Variants in GPHN observed in about 807,000 individuals in gnomAD.
GPHN encodes gephyrin.
Under a neutral mutation model 95.5 loss-of-function variants are expected in GPHN, and 17 were observed. That is an observed-to-expected ratio of 0.18 (90% CI 0.12 to 0.27). The LOEUF (loss-of-function observed/expected upper bound fraction) is 0.27, where lower values mean the gene tolerates loss of function less well. GPHN is among the 10% of genes least tolerant of loss of function. The pLI is 1.00. For synonymous variants in GPHN, 320 were observed against 322.5 expected, an observed-to-expected ratio of 0.99 and a Z score of 0.08; for missense variants, 660 against 978.1, an observed-to-expected ratio of 0.67 and a Z score of 4.34.
chr14:66,990,663 C>T (rs2071349964), intron 9 of GPHN, among the ~76,000 whole-genome samples: 1 of 151,914 alleles, frequency 6.6e-6, no homozygotes, highest in Non-Finnish European at 1.5e-5. Flanking sequence ...TGTACATAAC[C>T]TACAGTTACT....
intron 9 of GPHN, among the ~76,000 whole-genome samples, chr14:66,976,596 A>G (rs1481503690): frequency 6.6e-6 from 1 of 152,152 alleles, no homozygotes; most frequent in Non-Finnish European, 1.5e-5. Context: ...CTCCCTACTC[A>G]TTCTACTTTT....
intron 9 of GPHN, among the ~76,000 whole-genome samples, chr14:67,019,533 A>G (rs1199772189): frequency 1.3e-5 from 2 of 152,202 alleles, no homozygotes; most frequent in South Asian, 2.1e-4. Context: ...TTGAAATCGG[A>G]TTTGTGTTAA....
the GPHN span, among the ~76,000 whole-genome samples, chr14:67,391,271 ATGTGTGTG>A: frequency 1.6e-4 from 23 of 143,912 alleles, no homozygotes; most frequent in South Asian, 2.3e-4. Flanking sequence ...AGCAGCTGAT[ATGTGTGTG>A]TGTGTGTGTG....
At chr14:67,350,197 C>G in the GPHN span, among the ~76,000 whole-genome samples, 1 of 151,940 alleles carries the variant, frequency 6.6e-6, no homozygotes, top group Admixed American at 6.6e-5. Flanking sequence ...ATTTATCCTA[C>G]GGGAATAATT....
At chr14:67,397,746 A>C in the GPHN span, 1 of 1,612,422 alleles carries the variant, frequency 6.2e-7, no homozygotes, top group Non-Finnish European at 8.5e-7. Flanking sequence ...TCACTCTCCG[A>C]CCCCCCTCAA....
intron 4 of GPHN, among the ~76,000 whole-genome samples, chr14:66,839,366 A>G (rs1312701100): frequency 6.6e-6 from 1 of 152,206 alleles, no homozygotes; most frequent in Non-Finnish European, 1.5e-5. Context: ...GGGATAATTT[A>G]AGTGTCTTAC....
chr14:67,210,915 A>G, the GPHN span, among the ~76,000 whole-genome samples: 12 of 152,212 alleles, frequency 7.9e-5, no homozygotes, highest in South Asian at 2.1e-3. Flanking sequence ...AAGGTGGATC[A>G]CCTGAACCTG....
chr14:67,047,334 T>TGTGTTTG (rs2075075353), intron 10 of GPHN, among the ~76,000 whole-genome samples: 2 of 109,708 alleles, frequency 1.8e-5, no homozygotes, highest in Non-Finnish European at 3.4e-5. Context: ...GTGTGTGTGT[T>TGTGTTTG]TGTGTGTGTG....
chr14:66,750,100 A>G (rs1224858400), intron 2 of GPHN, among the ~76,000 whole-genome samples: 2 of 151,938 alleles, frequency 1.3e-5, no homozygotes, highest in African/African-American at 4.8e-5. Flanking sequence ...AATGAAATCT[A>G]ACCTACTGTT....
chr14:67,334,544 A>AT, the GPHN span: 1 of 152,622 alleles, frequency 6.6e-6, no homozygotes, highest in Non-Finnish European at 1.5e-5. Flanking sequence ...TTTCTTCTAC[A>AT]TAATTTTATT....
At chr14:66,575,774 G>T (rs529930321) in intron 1 of GPHN, among the ~76,000 whole-genome samples, 3 of 152,224 alleles carry the variant, frequency 2.0e-5, no homozygotes, top group South Asian at 4.1e-4. Flanking sequence ...CTGTGTCTAT[G>T]GGGGGCTGGC....
the GPHN span, among the ~76,000 whole-genome samples, chr14:67,548,853 T>G: frequency 3.3e-5 from 5 of 152,240 alleles, no homozygotes; most frequent in African/African-American, 1.2e-4. Context: ...AGCCAAGGTT[T>G]TGGAGTATAA....
intron 1 of GPHN, among the ~76,000 whole-genome samples, chr14:66,672,043 A>T (rs1034363449): frequency 3.9e-5 from 6 of 152,194 alleles, no homozygotes; most frequent in Middle Eastern, 6.8e-3. Context: ...TAGATTATTA[A>T]TTTTAAATCT....
intron 13 of GPHN, among the ~76,000 whole-genome samples, chr14:67,104,458 G>A (rs906864347): frequency 4.6e-5 from 7 of 152,124 alleles, no homozygotes; most frequent in Non-Finnish European, 7.4e-5. Context: ...TAAATGTTTG[G>A]TAGGATTAAG....
chr14:67,694,163 T>C, the GPHN span, among the ~76,000 whole-genome samples: 5 of 152,124 alleles, frequency 3.3e-5, no homozygotes, highest in Non-Finnish European at 2.9e-5. Context: ...CTCTTAGCCA[T>C]TGAAGCTACC....
intron 9 of GPHN, among the ~76,000 whole-genome samples, chr14:67,016,648 A>C (rs2073329883): frequency 6.6e-6 from 1 of 152,156 alleles, no homozygotes; most frequent in South Asian, 2.1e-4. Context: ...TTTGCAAATA[A>C]GAAAACCAAG....
At chr14:66,557,885 C>T (rs1335900082) in intron 1 of GPHN, among the ~76,000 whole-genome samples, 1 of 152,070 alleles carries the variant, frequency 6.6e-6, no homozygotes, top group Admixed American at 6.6e-5. Context: ...TTGTAGAATT[C>T]TAAATTATGA....
the GPHN span, among the ~76,000 whole-genome samples, chr14:67,402,820 T>C: frequency 4.6e-5 from 7 of 152,248 alleles, no homozygotes; most frequent in African/African-American, 1.7e-4. Flanking sequence ...TCTTCATTCA[T>C]GTGTTGGAGG....
chr14:67,257,175 T>A, the GPHN span, among the ~76,000 whole-genome samples: 1 of 152,146 alleles, frequency 6.6e-6, no homozygotes, highest in Non-Finnish European at 1.5e-5. Context: ...GAGTCCTTGA[T>A]CAGTCTTTCA....
Sources: allele counts gnomAD v4.1 joint callset (sites outside exome capture counted in the v4.1 genomes callset), GRCh38; gene constraint gnomAD v4.1.1; transcripts MANE v1.5; gene names NCBI Gene and HGNC (gene_info 2026-07-23, HGNC 2026-07-21).